The following GABRR3 variants were observed in gnomAD, a reference collection of about 807,000 sequenced individuals.
GABRR3 encodes the protein gamma-aminobutyric acid receptor subunit rho-3.
Under a neutral mutation model 43.2 loss-of-function variants are expected in GABRR3, and 29 were observed. The observed-to-expected ratio is 0.67, with a 90% CI of 0.50 to 0.92. The LOEUF (loss-of-function observed/expected upper bound fraction) is 0.92, where lower values mean the gene tolerates loss of function less well. Among genes scored for constraint, GABRR3 ranks in the 40% least tolerant of loss-of-function variants. GABRR3 has a pLI of 0.00. For missense variants in GABRR3, 576 were observed against 572.3 expected (o/e 1.01, Z -0.07); for synonymous variants, 206 against 195.9 (o/e 1.05, Z -0.43).
At position 98,008,783 on chromosome 3, in the gene GABRR3, A is replaced by T. The variant is rs2107237049; in HGVS notation, c.613+173T>A. 2.3e-5 allele frequency among the ~76,000 whole-genome samples: 3 copies of T among 133,240 alleles called. No homozygotes were observed. In the East Asian group the frequency reaches 7.0e-4, roughly 31 times the overall value. 87.4% of individuals were successfully genotyped at this position (133,240 alleles called of 152,430 possible). A position where few individuals can be genotyped will look rare whatever the true frequency, so the allele number is the denominator to read the frequency against. On this transcript the variant is annotated intron_variant, in intron 6 of 9. Transcript: ENST00000621172. ...AACAGACAAACTGCCATCAACCTTC[A>T]TAAAAAACAGAAACCAAAAAAAAAA...
intron 8 of GABRR3, 99 bp from the exon 9 acceptor site, chr3:97,993,147 A>C: frequency 5.3e-6 from 5 of 942,006 alleles, no homozygotes; most frequent in Non-Finnish European, 7.7e-6. Flanking sequence ...GAACAATATC[A>C]ACCTGGTGAT....
chr3:97,995,523 G>C (rs539452370), intron 8 of GABRR3, among the ~76,000 whole-genome samples: 24 of 151,756 alleles, frequency 1.6e-4, no homozygotes, highest in African/African-American at 5.3e-4. Context: ...TCTTTAAAAG[G>C]GTGCTTAATC....
At chr3:97,993,038 T>C (rs557314245) in exon 9 of GABRR3, 1 of 1,597,276 alleles carries the variant, frequency 6.3e-7, no homozygotes, top group African/African-American at 1.3e-5. Context: ...TGGTCAGCAC[T>C]GTGGTGATTC....
chr3:98,032,864 A>G (rs901457179), intron 2 of GABRR3, among the ~76,000 whole-genome samples: 2 of 152,162 alleles, frequency 1.3e-5, no homozygotes, highest in Non-Finnish European at 2.9e-5. Flanking sequence ...GCATTATAGA[A>G]GAGTGGATTA....
rs192625049 is a variant in GABRR3, at chr3:98,019,625, G to A, written c.239-1903C>T. On this transcript the variant is annotated intron_variant, in intron 3 of 9. Coordinates refer to ENST00000621172, the Ensembl canonical transcript of GABRR3. ...TTTTGAGACAGAGTTTCACTCCGTC[G>A]CCCAGGCTGGAGGGCAGTGGCACGA... 1.2e-3 allele frequency among the ~76,000 whole-genome samples: 177 copies of A among 151,830 alleles called. No homozygotes were observed. In the Middle Eastern group the frequency reaches 0.021, roughly 18 times the overall value.
At chr3:98,030,520 G>C (rs948592324) in intron 2 of GABRR3, among the ~76,000 whole-genome samples, 5 of 152,170 alleles carry the variant, frequency 3.3e-5, no homozygotes, top group Non-Finnish European at 7.3e-5. Flanking sequence ...CATGAATCAG[G>C]ATTAGACGTG....
intron 9 of GABRR3, among the ~76,000 whole-genome samples, chr3:97,988,216 A>T (rs554202706): frequency 2.0e-4 from 31 of 152,120 alleles, no homozygotes; most frequent in African/African-American, 6.5e-4. Context: ...AGAAGGACGC[A>T]TAATAGATAC....
intron 9 of GABRR3, among the ~76,000 whole-genome samples, chr3:97,989,612 C>T (rs901912768): frequency 1.3e-5 from 2 of 151,978 alleles, no homozygotes; most frequent in Admixed American, 1.3e-4. Flanking sequence ...GCCTAACATT[C>T]CAGCCCTTTC....
At chr3:98,030,994 A>G (rs557889050) in intron 2 of GABRR3, among the ~76,000 whole-genome samples, 5 of 152,330 alleles carry the variant, frequency 3.3e-5, no homozygotes, top group Admixed American at 6.5e-5. Context: ...TCTTGATCCA[A>G]TCTTTATTTC....
intron 2 of GABRR3, among the ~76,000 whole-genome samples, chr3:98,034,470 A>T (rs1218036171): frequency 6.6e-6 from 1 of 152,176 alleles, no homozygotes; most frequent in Non-Finnish European, 1.5e-5. Flanking sequence ...CCCTAGAAAT[A>T]CTTGACATTA....
intron 2 of GABRR3, among the ~76,000 whole-genome samples, chr3:98,026,101 C>T (rs1707011998): frequency 6.6e-6 from 1 of 152,134 alleles, no homozygotes; most frequent in Non-Finnish European, 1.5e-5. Context: ...TCCTTGGGGT[C>T]ACTGGGGCTG....
At chr3:98,012,534 A>G (rs1173959494) in exon 5 of GABRR3, 3 of 1,613,848 alleles carry the variant, frequency 1.9e-6, no homozygotes, top group Non-Finnish European at 1.7e-6. Context: ...TCGTCTTTCC[A>G]GTAATGCCTG....
At chr3:98,030,409 C>A (rs1707073277) in intron 2 of GABRR3, among the ~76,000 whole-genome samples, 1 of 151,906 alleles carries the variant, frequency 6.6e-6, no homozygotes, top group Non-Finnish European at 1.5e-5. Flanking sequence ...GATTAAAATA[C>A]CATTATGGTG....
chr3:98,032,119 A>ATAGTATAGTG (rs1553720653), intron 2 of GABRR3, among the ~76,000 whole-genome samples: 39 of 140,798 alleles, frequency 2.8e-4, no homozygotes, highest in African/African-American at 9.7e-4. Context: ...ATAGTATAGT[A>ATAGTATAGTG]TAGTAATGGT....
chr3:98,013,768 C>A (rs1414220133), intron 4 of GABRR3, among the ~76,000 whole-genome samples: 2 of 152,160 alleles, frequency 1.3e-5, no homozygotes, highest in Non-Finnish European at 1.5e-5. Context: ...AGAATGGTTG[C>A]TTCATTAACA....
At chr3:97,994,944 C>T (rs1706515575) in intron 8 of GABRR3, among the ~76,000 whole-genome samples, 1 of 152,130 alleles carries the variant, frequency 6.6e-6, no homozygotes, top group African/African-American at 2.4e-5. Flanking sequence ...GAATCATGAA[C>T]TAATATTCCC....
Position 98,012,196 on chromosome 3 carries a change from G to GA in GABRR3, c.530+147dup, listed in dbSNP as rs1706801940. On this transcript the variant is annotated intron_variant, in intron 5 of 9. Transcript: ENST00000621172. ...TAAAATCTGGATGTTAGAACCAGGG[G>GA]AAAATCACATCTTATGCTTGTGTCC... 4 of 641,616 alleles carry GA rather than the reference G, an allele frequency of 6.2e-6. No homozygotes were observed. In the Admixed American group the frequency reaches 8.9e-5, roughly 14 times the overall value. The allele number at this position is 641,616 out of a possible 1,614,324, so 39.7% of individuals were successfully genotyped here. A position where few individuals can be genotyped will look rare whatever the true frequency, so the allele number is the denominator to read the frequency against.
At chr3:98,005,210 A>AACACACAC (rs60490447) in intron 7 of GABRR3, among the ~76,000 whole-genome samples, 2,401 of 147,998 alleles carry the variant, frequency 0.016, 24 homozygotes, top group Non-Finnish European at 0.023. Context: ...CTAGGCTTTT[A>AACACACAC]ACACACACAC....
intron 2 of GABRR3, among the ~76,000 whole-genome samples, chr3:98,032,437 C>T (rs572588754): frequency 3.3e-5 from 5 of 152,210 alleles, no homozygotes; most frequent in African/African-American, 1.2e-4. Flanking sequence ...ATTTTTAGCC[C>T]CAACCCAGCA....
Sources: gnomAD v4.1 joint callset for allele counts (sites outside exome capture counted in the v4.1 genomes callset) on GRCh38, gnomAD v4.1.1 for gene constraint, MANE v1.5 for transcripts, NCBI Gene and HGNC (gene_info 2026-07-23, HGNC 2026-07-21) for gene names.